SEC16A: variants seen among roughly 807,000 people sequenced by gnomAD.
SEC16A encodes protein transport protein Sec16A.
A neutral mutation model predicts 221.9 loss-of-function variants in SEC16A; 110 were observed. The observed-to-expected ratio is 0.50, with a 90% CI of 0.42 to 0.58. The LOEUF is 0.58. SEC16A is among the 20% of genes least tolerant of loss of function. The pLI, the probability that SEC16A is intolerant of heterozygous loss-of-function variation, is 0.00. For missense variants in SEC16A, 3,165 were observed against 3,097.8 expected, an observed-to-expected ratio of 1.02 and a Z score of -0.52; for synonymous variants, 1,393 against 1,257.7, an observed-to-expected ratio of 1.11 and a Z score of -2.28.
Position 136,445,033 on chromosome 9 carries a change from G to T in SEC16A, c.6927+19C>A. 1.3e-6 allele frequency: 2 copies of T among 1,598,794 alleles called. No homozygotes were observed. Among genetic ancestry groups the T allele is most frequent in the South Asian group, 1.1e-5 (1 of 88,270 alleles). On this transcript the variant is annotated intron_variant, in intron 30 of 31. Coordinates refer to ENST00000684901, the MANE Select transcript of SEC16A (RefSeq NM_014866.2). ...ACACGCCAGCTCTCATGTTAGTGAG[G>T]ACCACCAGCCGCAGGTACCTGATTA... is the stretch of plus-strand genomic sequence containing the variant.
Position 136,483,037 on chromosome 9 carries a change from A to T in SEC16A, c.-291T>A, listed in dbSNP as rs1236732024. 9.1e-6 allele frequency: 9 copies of T among 984,398 alleles called. No individual in the cohort carries two copies. The South Asian group carries it at 2.8e-4, about 31-fold the overall frequency. The allele number at this position is 984,398 out of a possible 1,614,324, so 61.0% of individuals were successfully genotyped here. ...TCAGCCGCCGCAGCCATCTTGGCAC[A>T]TCCGGCTCGGGTCTCCGCGGCCGCC... is the stretch of plus-strand genomic sequence containing the variant. On this transcript the variant is annotated 5_prime_UTR_variant, in exon 1 of 32. It removes an upstream start codon present in the reference 5' UTR. Coordinates refer to ENST00000684901, the MANE Select transcript of SEC16A (RefSeq NM_014866.2).
chr9:136,447,095 C>A lies in SEC16A; in HGVS notation c.6697+132G>T. The A allele has an allele frequency of 6.6e-7, 1 of 1,514,252 alleles. No individual in the cohort carries two copies. 93.8% of individuals were successfully genotyped at this position (1,514,252 alleles called of 1,614,324 possible). A position where few individuals can be genotyped will look rare whatever the true frequency, so the allele number is the denominator to read the frequency against. On this transcript the variant is annotated intron_variant, in intron 27 of 31. Coordinates refer to ENST00000684901, the MANE Select transcript of SEC16A (RefSeq NM_014866.2). The surrounding 1 kb of genome is among the most constrained non-coding windows in gnomAD (Gnocchi z 5.5). Reference sequence around the variant, plus strand: ...GGCAAATCAAAAAAAAAACCACAAACCAACCCCAGGCTCTCTGCATGCTGG... The same window carrying A: ...GGCAAATCAAAAAAAAAACCACAAAACAACCCCAGGCTCTCTGCATGCTGG...
intron 4 of SEC16A, among the ~76,000 whole-genome samples, chr9:136,469,339 A>C (rs1291937102): frequency 6.6e-6 from 1 of 152,172 alleles, no homozygotes; most frequent in Non-Finnish European, 1.5e-5. Flanking sequence ...TCAGATTCCT[A>C]CACGTGCCCC....
chr9:136,474,603 G>A lies in SEC16A; in HGVS notation c.3013C>T (p.Pro1005Ser), dbSNP rs773489331. 6.2e-7 allele frequency: 1 copy of A among 1,612,948 alleles called. No homozygotes were observed. The highest frequency in any genetic ancestry group is 2.2e-5 in the East Asian group (1 of 44,876). ...TGGGACGGGTTGTACACGTTTACAG[G>A]ATTTTCCAAAGTCCTGCTTAAGGTA... ...DFTLSRTLEN[P>S]VNVYNPSHSD... Residue 1005 changes from proline (P) to serine (S), a missense_variant, in exon 3 of 32, where the codon CCT becomes TCT. This residue lies in a region of SEC16A where 2,030 missense variants were observed against 1,923.1 expected (regional missense o/e 1.06). Transcript: ENST00000684901.
chr9:136,455,988 G>A, intron 19 of SEC16A, 65 bp downstream of exon 19: 4 of 1,345,864 alleles, frequency 3.0e-6, no homozygotes, highest in South Asian at 1.2e-5. Flanking sequence ...CTTTCAGTGT[G>A]GAAATGACAG....
At chr9:136,480,519 T>C (rs1842187483) in intron 1 of SEC16A, among the ~76,000 whole-genome samples, 1 of 152,162 alleles carries the variant, frequency 6.6e-6, no homozygotes, top group Non-Finnish European at 1.5e-5. Flanking sequence ...ATGTGATTAT[T>C]TTTTCCTAAA....
At position 136,466,446 on chromosome 9, in the gene SEC16A, T is replaced by C; in HGVS notation, c.3946A>G (p.Asn1316Asp). Reference protein sequence around the residue: ...AFGDRPEKRDNNWRYDPRFTG... With the variant: ...AFGDRPEKRDDNWRYDPRFTG... ...AAGCGAGGATCGTACCTCCAGTTGT[T>C]GTCACGTTTCTCGGGCCTAGAGGAA... Residue 1316 changes from asparagine (N) to aspartate (D), a missense_variant, in exon 7 of 32, where the codon AAC becomes GAC. By Grantham distance (23) the Asn-to-Asp change is conservative. Transcript: ENST00000684901. This position sits in a 1 kb window ranked among gnomAD's most constrained non-coding sequence, Gnocchi z 5.5. 1 of 1,606,404 alleles carries C rather than the reference T, an allele frequency of 6.2e-7. No homozygotes were observed. Among genetic ancestry groups the C allele is most frequent in the Non-Finnish European group, 8.5e-7 (1 of 1,176,436 alleles).
intron 1 of SEC16A, among the ~76,000 whole-genome samples, chr9:136,479,565 G>T (rs1250443471): frequency 6.6e-6 from 1 of 152,114 alleles, no homozygotes; most frequent in Non-Finnish European, 1.5e-5. Flanking sequence ...TGTTAGCCAG[G>T]ATGGTCTTGA....
intron 22 of SEC16A, among the ~76,000 whole-genome samples, 192 bp from the exon 23 acceptor site, chr9:136,451,600 C>T (rs1837820911): frequency 6.6e-6 from 1 of 152,182 alleles, no homozygotes; most frequent in Admixed American, 6.5e-5. Context: ...GAGCCTCTAC[C>T]TGGCCTGACT....
At position 136,466,459 on chromosome 9, in the gene SEC16A, G is replaced by C. The variant is rs548306917; in HGVS notation, c.3933C>G (p.Pro1311=). ...ACCTCCAGTTGTTGTCACGTTTCTC[G>C]GGCCTAGAGGAAGCCGGGGGACAGA... ...RREHSAFGDR[P]EKRDNNWRYD... The change falls in exon 7 of 32, where the codon CCC becomes CCG. Residue 1311 remains proline (P), a synonymous_variant. Coordinates refer to ENST00000684901, the MANE Select transcript of SEC16A (RefSeq NM_014866.2). This position sits in a 1 kb window ranked among gnomAD's most constrained non-coding sequence, Gnocchi z 5.5. 6.2e-7 allele frequency: 1 copy of C among 1,600,132 alleles called. No individual in the cohort carries two copies. Among genetic ancestry groups the C allele is most frequent in the Admixed American group, 1.7e-5 (1 of 58,802 alleles).
At chr9:136,472,300 C>T (rs1281254320) in intron 3 of SEC16A, among the ~76,000 whole-genome samples, 189 bp from the exon 4 acceptor site, 1 of 152,204 alleles carries the variant, frequency 6.6e-6, no homozygotes, top group African/African-American at 2.4e-5. Context: ...TGAGCGTGGC[C>T]CTTCCCTCAT....
chr9:136,463,834 G>A (rs1839816856), intron 9 of SEC16A, 94 bp from the exon 10 acceptor site: 9 of 1,396,440 alleles, frequency 6.4e-6, no homozygotes, highest in East Asian at 2.3e-5. Flanking sequence ...CCCGTGAGAG[G>A]AGAGGATGGC....
intron 2 of SEC16A, 82 bp from the exon 3 acceptor site, chr9:136,477,766 GA>G: frequency 7.6e-7 from 1 of 1,318,236 alleles, no homozygotes; most frequent in Non-Finnish European, 1.0e-6. Flanking sequence ...AGGAAAAAGA[GA>G]AACATTGAAC....
intron 4 of SEC16A, among the ~76,000 whole-genome samples, chr9:136,470,114 G>A (rs1268702286): frequency 1.3e-5 from 2 of 152,328 alleles, no homozygotes; most frequent in East Asian, 1.9e-4. Flanking sequence ...GCACAAGCAC[G>A]GAGGCTGAAC....
chr9:136,441,883 G>C lies in SEC16A; in HGVS notation c.7006-60C>G. On this transcript the variant is annotated intron_variant, in intron 31 of 31. Transcript: ENST00000684901. Reference sequence around the variant, plus strand: ...CTGCCCCCAGGGTGAGCAGTGCTCGGCTGCAGCGTGGCAGGGGCTGGTCCA... The same window carrying C: ...CTGCCCCCAGGGTGAGCAGTGCTCGCCTGCAGCGTGGCAGGGGCTGGTCCA... The C allele has an allele frequency of 2.1e-6, 3 of 1,447,232 alleles. No individual in the cohort carries two copies. The Middle Eastern group carries it at 5.3e-4, about 256-fold the overall frequency. 89.6% of individuals were successfully genotyped at this position (1,447,232 alleles called of 1,614,324 possible).
chr9:136,459,467 A>G lies in SEC16A; in HGVS notation c.5280T>C (p.Leu1760=). ...ACCTGTGATTGGATCCGATTAAGAC[A>G]AGCTTTGTAGTTTTCTTCGTGTAAA... is the stretch of plus-strand genomic sequence containing the variant. The part of the protein sequence containing the change: ...FGVYTKKTTK[L]VLIGSNHSLP... Residue 1760 remains leucine (L), a synonymous_variant, in exon 16 of 32, where the codon CTT becomes CTC. Coordinates refer to ENST00000684901, the MANE Select transcript of SEC16A (RefSeq NM_014866.2). The surrounding 1 kb of genome is among the most constrained non-coding windows in gnomAD (Gnocchi z 6.1). The G allele has an allele frequency of 6.2e-7, 1 of 1,607,214 alleles. No homozygotes were observed. Among genetic ancestry groups the G allele is most frequent in the Non-Finnish European group, 8.5e-7 (1 of 1,176,412 alleles).
At chr9:136,460,653 G>A (rs955265451) in intron 13 of SEC16A, among the ~76,000 whole-genome samples, 2 of 151,206 alleles carry the variant, frequency 1.3e-5, no homozygotes, top group Non-Finnish European at 1.5e-5. Flanking sequence ...GCTCACGCCT[G>A]TAATCCCAGC....
intron 1 of SEC16A, among the ~76,000 whole-genome samples, chr9:136,481,833 GA>G: frequency 6.6e-6 from 1 of 152,268 alleles, no homozygotes; most frequent in South Asian, 2.1e-4. Context: ...CATACAGTTA[GA>G]TGTTGAAGAG....
intron 4 of SEC16A, among the ~76,000 whole-genome samples, chr9:136,469,900 C>A (rs1052122959): frequency 6.6e-6 from 1 of 152,222 alleles, no homozygotes; most frequent in African/African-American, 2.4e-5. Flanking sequence ...ACGAGCCCTG[C>A]TGACCGACAG....
Sources: allele counts gnomAD v4.1 joint callset (sites outside exome capture counted in the v4.1 genomes callset), GRCh38; gene constraint gnomAD v4.1.1; regional missense constraint gnomAD v4.1.1; non-coding constraint Gnocchi (gnomAD v3.1); transcripts MANE v1.5; gene names NCBI Gene and HGNC (gene_info 2026-07-23, HGNC 2026-07-21).